STK32B: variants seen among roughly 807,000 people sequenced by gnomAD.
STK32B encodes serine/threonine kinase 32B, also known as serine/threonine-protein kinase 32B.
STK32B carries 43 observed loss-of-function variants against 52.6 expected under a neutral mutation model. The ratio of observed to expected loss-of-function variants is 0.82; its 90% CI spans 0.64 to 1.05. The LOEUF is 1.05. Among genes scored for constraint, STK32B ranks in the 50% least tolerant of loss-of-function variants. The probability of loss-of-function intolerance (pLI) is 0.00; values close to 1 mark genes in which losing one functional copy is unlikely to be tolerated. For missense variants in STK32B, 621 were observed against 534.6 expected (o/e 1.16, Z -1.59); for synonymous variants, 238 against 204.3 (o/e 1.17, Z -1.41).
At chr4:5,198,719 C>T (rs556996124) in intron 3 of STK32B, among the ~76,000 whole-genome samples, 3 of 152,140 alleles carry the variant, frequency 2.0e-5, no homozygotes, top group South Asian at 2.1e-4. Context: ...AGGAGGAAGG[C>T]GGCACCTGGC....
intron 3 of STK32B, among the ~76,000 whole-genome samples, chr4:5,207,860 G>A (rs938870613): frequency 6.6e-6 from 1 of 151,870 alleles, no homozygotes; most frequent in African/African-American, 2.4e-5. Flanking sequence ...TTCTCTTCTG[G>A]ACATTTCAGT....
chr4:5,426,216 C>T (rs544176183), intron 6 of STK32B, among the ~76,000 whole-genome samples: 75 of 152,196 alleles, frequency 4.9e-4, no homozygotes, highest in African/African-American at 1.7e-3. Context: ...ATGAGAGACC[C>T]GGTTGTTCTG....
intron 2 of STK32B, among the ~76,000 whole-genome samples, chr4:5,159,177 C>T (rs1022364989): frequency 6.6e-6 from 1 of 152,178 alleles, no homozygotes; most frequent in Non-Finnish European, 1.5e-5. Flanking sequence ...CACCGTAGAG[C>T]TGTGCTTACC....
At chr4:5,144,327 G>A (rs1716739527) in intron 2 of STK32B, among the ~76,000 whole-genome samples, 1 of 152,206 alleles carries the variant, frequency 6.6e-6, no homozygotes, top group Non-Finnish European at 1.5e-5. Context: ...TGGTATAGTA[G>A]AGTGTCTAGC....
intron 4 of STK32B, among the ~76,000 whole-genome samples, chr4:5,372,526 A>C (rs1191543529): frequency 6.6e-6 from 1 of 152,184 alleles, no homozygotes; most frequent in East Asian, 1.9e-4. Flanking sequence ...CTATTAAGGA[A>C]AGTGTCAGTA....
At chr4:5,109,939 T>C (rs1448944709) in intron 1 of STK32B, among the ~76,000 whole-genome samples, 1 of 151,900 alleles carries the variant, frequency 6.6e-6, no homozygotes, top group Non-Finnish European at 1.5e-5. Flanking sequence ...AAAATTAATG[T>C]ATGAAAATCA....
At chr4:5,230,022 C>T (rs1272011471) in intron 3 of STK32B, among the ~76,000 whole-genome samples, 1 of 151,770 alleles carries the variant, frequency 6.6e-6, no homozygotes. Context: ...GATGGAGTCT[C>T]GCTCTTGTCG....
At chr4:5,230,870 A>C (rs559588123) in intron 3 of STK32B, among the ~76,000 whole-genome samples, 10 of 152,346 alleles carry the variant, frequency 6.6e-5, no homozygotes, top group African/African-American at 2.2e-4. Flanking sequence ...AAGTGCTCTG[A>C]ATGGAACCTT....
At chr4:5,071,146 G>A (rs1445142543) in intron 1 of STK32B, among the ~76,000 whole-genome samples, 1 of 152,112 alleles carries the variant, frequency 6.6e-6, no homozygotes, top group South Asian at 2.1e-4. Flanking sequence ...GTTTTAATAT[G>A]GGGAGTGATG....
intron 2 of STK32B, among the ~76,000 whole-genome samples, chr4:5,164,510 A>T (rs760418683): frequency 3.3e-5 from 5 of 152,240 alleles, no homozygotes; most frequent in Non-Finnish European, 7.3e-5. Flanking sequence ...CTGGGCTGCT[A>T]TCACACATGC....
intron 3 of STK32B, among the ~76,000 whole-genome samples, chr4:5,182,483 A>G (rs770909642): frequency 6.6e-6 from 1 of 150,920 alleles, no homozygotes; most frequent in East Asian, 1.9e-4. Flanking sequence ...GTTTTTTGAG[A>G]CAGAGTCTCG....
At chr4:5,374,922 G>A (rs959089738) in intron 4 of STK32B, among the ~76,000 whole-genome samples, 1 of 152,160 alleles carries the variant, frequency 6.6e-6, no homozygotes, top group Non-Finnish European at 1.5e-5. Flanking sequence ...CCCTAAAAGC[G>A]GAGATTAGCA....
chr4:5,159,148 G>A (rs1471174546), intron 2 of STK32B, among the ~76,000 whole-genome samples: 2 of 152,164 alleles, frequency 1.3e-5, no homozygotes, highest in African/African-American at 2.4e-5. Context: ...AGGGCTGCTT[G>A]GCTGGAGCAC....
At chr4:5,053,126 A>T (rs961941530) in intron 1 of STK32B, among the ~76,000 whole-genome samples, 1 of 152,204 alleles carries the variant, frequency 6.6e-6, no homozygotes, top group South Asian at 2.1e-4. Flanking sequence ...TCTCAAAAAG[A>T]TAGATGAACA....
At chr4:5,407,687 ACAGT>A (rs1263519616) in intron 5 of STK32B, among the ~76,000 whole-genome samples, 2 of 152,028 alleles carry the variant, frequency 1.3e-5, no homozygotes, top group African/African-American at 2.4e-5. Flanking sequence ...CTTTTATAAA[ACAGT>A]CAGATCTTGT....
chr4:5,446,749 C>G lies in STK32B; in HGVS notation c.639C>G (p.Ile213Met), dbSNP rs1051091503. Residue 213 changes from isoleucine (I) to methionine (M), a missense_variant, in exon 7 of 12, where the codon ATC becomes ATG. Coordinates refer to ENST00000282908, the MANE Select transcript of STK32B (RefSeq NM_018401.3). ...CTGTCGACTGGTGGTCCCTGGGCAT[C>G]ACAGCCTATGAGCTGCTGCGGGGCT... is the stretch of plus-strand genomic sequence containing the variant. The part of the protein sequence containing the change: ...SYPVDWWSLG[I>M]TAYELLRGWR... 2 of 1,614,024 alleles carry G rather than the reference C, an allele frequency of 1.2e-6. No homozygotes were observed. Among genetic ancestry groups the G allele is most frequent in the African/African-American group, 1.3e-5 (1 of 75,022 alleles).
intron 6 of STK32B, chr4:5,432,232 T>A (rs1205014064): frequency 6.6e-6 from 1 of 152,194 alleles, no homozygotes; most frequent in Non-Finnish European, 1.5e-5. Flanking sequence ...AAGCCAGAAC[T>A]CTGTGACTTA....
intron 4 of STK32B, among the ~76,000 whole-genome samples, chr4:5,392,296 C>G (rs1167578775): frequency 1.3e-5 from 2 of 152,068 alleles, no homozygotes; most frequent in East Asian, 3.9e-4. Flanking sequence ...TGTGGTGGTG[C>G]ACGCCTGTAA....
At chr4:5,159,274 G>C (rs1718120264) in intron 2 of STK32B, among the ~76,000 whole-genome samples, 1 of 151,904 alleles carries the variant, frequency 6.6e-6, no homozygotes, top group Non-Finnish European at 1.5e-5. Context: ...TTTGAGCTTT[G>C]TGTGCTCACA....
Sources: allele counts gnomAD v4.1 joint callset (sites outside exome capture counted in the v4.1 genomes callset), GRCh38; gene constraint gnomAD v4.1.1; transcripts MANE v1.5; gene names NCBI Gene and HGNC (gene_info 2026-07-23, HGNC 2026-07-21).